NCDN: variants seen among roughly 807,000 people sequenced by gnomAD.
NCDN encodes norbin.
NCDN carries 9 observed loss-of-function variants against 60.7 expected under a neutral mutation model. The observed-to-expected ratio is 0.15, with a 90% CI of 0.09 to 0.26. The LOEUF (loss-of-function observed/expected upper bound fraction) is 0.26. NCDN is among the 10% of genes least tolerant of loss of function. NCDN has a pLI of 1.00. For synonymous variants in NCDN, 409 were observed against 442.5 expected, an observed-to-expected ratio of 0.92 and a Z score of 0.95; for missense variants, 578 against 975.2, an observed-to-expected ratio of 0.59 and a Z score of 5.42.
chr1:35,563,619 G>A lies in NCDN; in HGVS notation c.1611-148G>A. 3 of 1,087,638 alleles carry A rather than the reference G, an allele frequency of 2.8e-6. No individual in the cohort carries two copies. The highest frequency in any genetic ancestry group is 4.0e-6 in the Non-Finnish European group (3 of 748,232). 67.4% of individuals were successfully genotyped at this position (1,087,638 alleles called of 1,614,324 possible). A position where few individuals can be genotyped will look rare whatever the true frequency, so the allele number is the denominator to read the frequency against. On this transcript the variant is annotated intron_variant, in intron 5 of 6. Coordinates refer to ENST00000373243, the MANE Select transcript of NCDN (RefSeq NM_014284.3). The surrounding 1 kb of genome is among the most constrained non-coding windows in gnomAD (Gnocchi z 6.6). ...GCTGGAACCCCCAGGTACTGTCTCA[G>A]CATGTCTGCTTGTTCCAATCTCTGC...
rs747039344 is a variant in NCDN at position 35,561,048 on chromosome 1, G to T, written c.897G>T (p.Ala299=). ...AHACGSDWIP[A]GSSGSKFLAL... is the part of the protein sequence containing the mutation. ...CCTGCGGCTCCGACTGGATCCCGGC[G>T]GGCAGCTCCGGGAGCAAGTTCCTGG... The change falls in exon 3 of 7, where the codon GCG becomes GCT. Residue 299 remains alanine, a synonymous_variant. Coordinates refer to ENST00000373243, the MANE Select transcript of NCDN (RefSeq NM_014284.3). The surrounding 1 kb of genome is among the most constrained non-coding windows in gnomAD (Gnocchi z 4.9). 1.2e-6 allele frequency: 2 copies of T among 1,612,716 alleles called. No individual in the cohort carries two copies. The highest frequency in any genetic ancestry group is 3.3e-5 in the Admixed American group (2 of 59,970).
chr1:35,563,014 T>G lies in NCDN; in HGVS notation c.1386-188T>G, dbSNP rs1325339341. Among the ~76,000 whole-genome samples the G allele has an allele frequency of 6.6e-6, 1 of 152,218 alleles. No homozygotes were observed. On this transcript the variant is annotated intron_variant, in intron 4 of 6. Transcript: ENST00000373243. This position sits in a 1 kb window ranked among gnomAD's most constrained non-coding sequence, Gnocchi z 6.6. ...TAAAGTCACTTGCCCACAGTCACAC[T>G]TTGTGGCAGAGCCCAAGTTTGGTCC...
At chr1:35,559,783 G>T (rs1648637256) in intron 2 of NCDN, among the ~76,000 whole-genome samples, 2 of 151,990 alleles carry the variant, frequency 1.3e-5, no homozygotes, top group Non-Finnish European at 2.9e-5. Flanking sequence ...GAGTACAGCC[G>T]CTGCTTGTTT....
At position 35,560,252 on chromosome 1, in the gene NCDN, C is replaced by T. The variant is rs2148537278; in HGVS notation, c.175-74C>T. On this transcript the variant is annotated intron_variant, in intron 2 of 6. Transcript: ENST00000373243. This position sits in a 1 kb window ranked among gnomAD's most constrained non-coding sequence, Gnocchi z 7.6. The stretch of plus-strand genomic sequence containing the variant: ...AACCTCATCTTGCTAGTCCTCAGTG[C>T]CCCAGGATGCAGGAGAGGGACAGTC... 1 of 1,533,892 alleles carries T rather than the reference C, an allele frequency of 6.5e-7. No individual in the cohort carries two copies. The highest frequency in any genetic ancestry group is 1.2e-5 in the South Asian group (1 of 81,512).
chr1:35,559,444 T>C (rs897552481), intron 2 of NCDN, among the ~76,000 whole-genome samples, 197 bp downstream of exon 2: 3 of 152,106 alleles, frequency 2.0e-5, no homozygotes, highest in Admixed American at 2.0e-4. Context: ...TGGGACTGAA[T>C]AAGGCTGTGG....
Position 35,558,615 on chromosome 1 carries a change from A to T in NCDN, c.33+392A>T. ...GCGTATCTCTGCCTCTGAAGAAGGG[A>T]GGGGAAAGGAAGCCTGGGGTGTCCT... On this transcript the variant is annotated intron_variant, in intron 1 of 6. Transcript: ENST00000373243. The surrounding 1 kb of genome is among the most constrained non-coding windows in gnomAD (Gnocchi z 6.3). 1 of 1,174,398 alleles carries T rather than the reference A, an allele frequency of 8.5e-7. No individual in the cohort carries two copies. The highest frequency in any genetic ancestry group is 1.1e-6 in the Non-Finnish European group (1 of 945,372). The allele number at this position is 1,174,398 out of a possible 1,614,324, so 72.7% of individuals were successfully genotyped here. A position where few individuals can be genotyped will look rare whatever the true frequency, so the allele number is the denominator to read the frequency against.
At position 35,565,753 on chromosome 1, in the gene NCDN, C is replaced by T. The variant is rs867441673; in HGVS notation, c.*90C>T. On this transcript the variant is annotated 3_prime_UTR_variant, in exon 7 of 7. Transcript: ENST00000373243. The surrounding 1 kb of genome is among the most constrained non-coding windows in gnomAD (Gnocchi z 8.9). Reference sequence around the variant, plus strand: ...CTGAAGCCCCCAATCTGGCCCCCCCCTCCCCAGACTTCCTCCCCAAAACAC... The same window carrying T: ...CTGAAGCCCCCAATCTGGCCCCCCCTTCCCCAGACTTCCTCCCCAAAACAC... 2 of 1,337,214 alleles carry T rather than the reference C, an allele frequency of 1.5e-6. No individual in the cohort carries two copies. Among genetic ancestry groups the T allele is most frequent in the Middle Eastern group, 2.6e-4 (1 of 3,818 alleles). 82.8% of individuals were successfully genotyped at this position (1,337,214 alleles called of 1,614,324 possible).
In NCDN at chr1:35,563,164, C is replaced by G. The variant is rs527931085; in HGVS notation, c.1386-38C>G. On this transcript the variant is annotated intron_variant, in intron 4 of 6. Coordinates refer to ENST00000373243, the MANE Select transcript of NCDN (RefSeq NM_014284.3). This position sits in a 1 kb window ranked among gnomAD's most constrained non-coding sequence, Gnocchi z 6.6. ...AGGGAATCTATGTGCCTTCATCTCT[C>G]CCAATCCCACACACGTCTGTCCCTT... 4.5e-6 allele frequency: 7 copies of G among 1,570,894 alleles called. 1 individual carries two copies. In the South Asian group the frequency reaches 6.9e-5, roughly 15 times the overall value.
rs1234903017 is a variant in NCDN at position 35,561,655 on chromosome 1, T to C, written c.1143+361T>C. The stretch of plus-strand genomic sequence containing the variant: ...GAAGCAGTCTGTTCTGCTCACTCCA[T>C]AGCATTGTTTTATACACGCACACAC... On this transcript the variant is annotated intron_variant, in intron 3 of 6. Coordinates refer to ENST00000373243, the MANE Select transcript of NCDN (RefSeq NM_014284.3). This position sits in a 1 kb window ranked among gnomAD's most constrained non-coding sequence, Gnocchi z 4.9. Among the ~76,000 whole-genome samples, 1 of 152,072 alleles carries C rather than the reference T, an allele frequency of 6.6e-6. No individual in the cohort carries two copies. The highest frequency in any genetic ancestry group is 6.5e-5 in the Admixed American group (1 of 15,272).
chr1:35,564,302 C>T (rs75983220), intron 6 of NCDN, among the ~76,000 whole-genome samples: 3 of 152,194 alleles, frequency 2.0e-5, no homozygotes, highest in African/African-American at 7.2e-5. Flanking sequence ...ACCTCACCCC[C>T]ATCAGTGACA....
At chr1:35,559,748 G>A (rs1264252601) in intron 2 of NCDN, among the ~76,000 whole-genome samples, 1 of 136,860 alleles carries the variant, frequency 7.3e-6, no homozygotes, top group Non-Finnish European at 1.6e-5. Context: ...AGGGGGGGTT[G>A]TGTGTGGGGG....
At position 35,562,593 on chromosome 1, in the gene NCDN, C is replaced by G; in HGVS notation, c.1345C>G (p.Pro449Ala). Residue 449 changes from proline to alanine, a missense_variant, in exon 4 of 7, where the codon CCC becomes GCC. This residue lies in a region of NCDN where 24 missense variants were observed against 19.5 expected (regional missense o/e 1.23). Coordinates refer to ENST00000373243, the MANE Select transcript of NCDN (RefSeq NM_014284.3). This position sits in a 1 kb window ranked among gnomAD's most constrained non-coding sequence, Gnocchi z 6.8. Reference protein sequence around the residue: ...SQQVANLAISPTTPGPTWPGD... With the variant: ...SQQVANLAISATTPGPTWPGD... ...GCAGGTGGCCAACCTGGCCATCTCC[C>G]CCACCACCCCAGGGCCCACCTGGCC... The G allele has an allele frequency of 6.2e-7, 1 of 1,614,000 alleles. No homozygotes were observed. The highest frequency in any genetic ancestry group is 8.5e-7 in the Non-Finnish European group (1 of 1,179,942).
Position 35,562,505 on chromosome 1 carries a change from C to G in NCDN, c.1257C>G (p.Pro419=). The G allele has an allele frequency of 6.2e-7, 1 of 1,614,156 alleles. No homozygotes were observed. Among genetic ancestry groups the G allele is most frequent in the Non-Finnish European group, 8.5e-7 (1 of 1,179,996 alleles). ...SLRKEVCQLL[P]FLVRYAKTLY... is the part of the protein sequence containing the mutation. ...GTAAGGAGGTGTGCCAGCTGCTGCC[C>G]TTCCTCGTCCGCTATGCCAAGACCC... The change falls in exon 4 of 7, where the codon CCC becomes CCG. Residue 419 remains proline (P), a synonymous_variant. Transcript: ENST00000373243. The surrounding 1 kb of genome is among the most constrained non-coding windows in gnomAD (Gnocchi z 6.8).
Position 35,565,845 on chromosome 1 carries a change from T to C in NCDN, c.*182T>C. 1 of 674,190 alleles carries C rather than the reference T, an allele frequency of 1.5e-6. No individual in the cohort carries two copies. Among genetic ancestry groups the C allele is most frequent in the Non-Finnish European group, 2.4e-6 (1 of 410,632 alleles). 41.8% of individuals were successfully genotyped at this position (674,190 alleles called of 1,614,324 possible). On this transcript the variant is annotated 3_prime_UTR_variant, in exon 7 of 7. Coordinates refer to ENST00000373243, the MANE Select transcript of NCDN (RefSeq NM_014284.3). This position sits in a 1 kb window ranked among gnomAD's most constrained non-coding sequence, Gnocchi z 8.9. ...ACCCCTCAAGTGTAAGGAACTGCGT[T>C]CCGCCCCTCAGGCCCCCATGGGGGC...
Position 35,560,589 on chromosome 1 carries a change from T to G in NCDN, c.438T>G (p.Ala146=). 1 of 1,613,340 alleles carries G rather than the reference T, an allele frequency of 6.2e-7. No homozygotes were observed. The highest frequency in any genetic ancestry group is 8.5e-7 in the Non-Finnish European group (1 of 1,180,046). ...FLTARGDPDD[A]ARRSMIDDTY... ...CAGCCCGGGGGGACCCGGACGATGC[T>G]GCCCGCCGCTCCATGATTGATGACA... is the stretch of plus-strand genomic sequence containing the variant. Residue 146 remains alanine, a synonymous_variant, in exon 3 of 7, where the codon GCT becomes GCG. Transcript: ENST00000373243. This position sits in a 1 kb window ranked among gnomAD's most constrained non-coding sequence, Gnocchi z 7.6.
In NCDN at chr1:35,566,058, C is replaced by G; in HGVS notation, c.*395C>G. ...AGCCCATGTGCCCTGCCGGCCAGGG[C>G]GTGGGCTCCCCTCGGCTGTGGTGCC... On this transcript the variant is annotated 3_prime_UTR_variant, in exon 7 of 7. Transcript: ENST00000373243. The surrounding 1 kb of genome is among the most constrained non-coding windows in gnomAD (Gnocchi z 5.3). 4.9e-6 allele frequency: 1 copy of G among 203,880 alleles called. No homozygotes were observed. The highest frequency in any genetic ancestry group is 8.6e-5 in the South Asian group (1 of 11,694). 12.6% of individuals were successfully genotyped at this position (203,880 alleles called of 1,614,324 possible).
chr1:35,564,909 T>C (rs1035572321), intron 6 of NCDN, among the ~76,000 whole-genome samples: 3 of 152,114 alleles, frequency 2.0e-5, no homozygotes, highest in Non-Finnish European at 4.4e-5. Context: ...CTCTCCCATC[T>C]GACCCTGTGA....
rs775062404 is a variant in NCDN at position 35,559,147 on chromosome 1, C to T, written c.74C>T (p.Ala25Val). The change falls in exon 2 of 7, where the codon GCT becomes GTT. Residue 25 changes from alanine (A) to valine (V), a missense_variant. Around this residue, in one of 3 missense-constraint regions of NCDN, gnomAD observed 363 missense variants for 583.6 expected, o/e 0.62. Coordinates refer to ENST00000373243, the MANE Select transcript of NCDN (RefSeq NM_014284.3). ...ASIMASDCEP[A>V]LNQAEGRNPT... is the part of the protein sequence containing the mutation. ...ATCATGGCCTCGGATTGCGAGCCAG[C>T]TCTGAACCAGGCAGAGGGCCGAAAC... 2.7e-5 allele frequency: 44 copies of T among 1,613,764 alleles called. No homozygotes were observed. Among genetic ancestry groups the T allele is most frequent in the Non-Finnish European group, 3.6e-5 (43 of 1,179,982 alleles).
chr1:35,563,084 C>CGA lies in NCDN; in HGVS notation c.1386-116_1386-115dup. Reference sequence around the variant, plus strand: ...GCTTGTACTTTTTCTGTGGTACCTGCGAGGATGTGTCCTTCTCCCCTACTT... The same window carrying CGA: ...GCTTGTACTTTTTCTGTGGTACCTGCGAGAGGATGTGTCCTTCTCCCCTACTT... On this transcript the variant is annotated intron_variant, in intron 4 of 6. Transcript: ENST00000373243. The surrounding 1 kb of genome is among the most constrained non-coding windows in gnomAD (Gnocchi z 6.6). 1.0e-6 allele frequency: 1 copy of CGA among 960,058 alleles called. No individual in the cohort carries two copies. Among genetic ancestry groups the CGA allele is most frequent in the East Asian group, 2.6e-5 (1 of 37,750 alleles). 59.5% of individuals were successfully genotyped at this position (960,058 alleles called of 1,614,324 possible). A position where few individuals can be genotyped will look rare whatever the true frequency, so the allele number is the denominator to read the frequency against.
Sources: gnomAD v4.1 joint callset for allele counts (sites outside exome capture counted in the v4.1 genomes callset) on GRCh38, gnomAD v4.1.1 for gene constraint, gnomAD v4.1.1 regional missense constraint, Gnocchi (gnomAD v3.1) non-coding constraint, MANE v1.5 for transcripts, NCBI Gene and HGNC (gene_info 2026-07-23, HGNC 2026-07-21) for gene names.